The following EFCAB6 variants were observed in gnomAD, a reference collection of about 807,000 sequenced individuals.
EFCAB6 encodes EF-hand calcium-binding domain-containing protein 6.
Under a neutral mutation model 169.8 loss-of-function variants are expected in EFCAB6, and 156 were observed. That is an observed-to-expected ratio of 0.92 (90% CI 0.81 to 1.05). The LOEUF is 1.05. Among genes scored for constraint, EFCAB6 ranks in the 50% least tolerant of loss-of-function variants. EFCAB6 has a pLI of 0.00. For synonymous variants in EFCAB6, 698 were observed against 676.4 expected (o/e 1.03, Z -0.50); for missense variants, 1,800 against 1,829.1 (o/e 0.98, Z 0.29).
Position 43,763,897 on chromosome 22 carries a change from G to A in EFCAB6, c.440+1408C>T, listed in dbSNP as rs748130052. Among the ~76,000 whole-genome samples, 129 of 151,434 alleles carry A rather than the reference G, an allele frequency of 8.5e-4. No homozygotes were observed. In the Middle Eastern group the frequency reaches 0.01, roughly 12 times the overall value. The stretch of plus-strand genomic sequence containing the variant: ...AGTGATCCTCCCACCTTAACTTCCC[G>A]AGTACCTGGGGCATGCCACCATGCT... On this transcript the variant is annotated intron_variant, in intron 5 of 31. Coordinates refer to ENST00000262726, the MANE Select transcript of EFCAB6 (RefSeq NM_022785.4).
intron 27 of EFCAB6, chr22:43,553,604 C>T (rs979079691): frequency 1.3e-5 from 2 of 152,366 alleles, no homozygotes; most frequent in Admixed American, 1.3e-4. Context: ...AGGAACAAAG[C>T]AACCTGGGGC....
At chr22:43,700,165 A>G (rs897309158) in intron 10 of EFCAB6, among the ~76,000 whole-genome samples, 2 of 152,218 alleles carry the variant, frequency 1.3e-5, no homozygotes, top group Non-Finnish European at 2.9e-5. Context: ...TACTACACAC[A>G]TGCACATACA....
rs141352282 is a variant in EFCAB6, at chr22:43,590,027, T to G, written c.3032+47A>C. 727 of 1,587,082 alleles carry G rather than the reference T, an allele frequency of 4.6e-4. 4 individuals carry two copies. In the African/African-American group the frequency reaches 8.6e-3, roughly 19 times the overall value. On this transcript the variant is annotated intron_variant, in intron 24 of 31. Coordinates refer to ENST00000262726, the MANE Select transcript of EFCAB6 (RefSeq NM_022785.4). ...AAGAAACAAAGGCAATTCTCCAGTA[T>G]GTTTTTCAGGGCCATGAGAAACATA...
chr22:43,589,461 C>T (rs1487211252), intron 24 of EFCAB6, among the ~76,000 whole-genome samples: 1 of 152,064 alleles, frequency 6.6e-6, no homozygotes, highest in Non-Finnish European at 1.5e-5. Flanking sequence ...TACGTGATTC[C>T]TGCCAAAGTG....
At chr22:43,737,778 C>CACAT (rs2060205722) in intron 6 of EFCAB6, among the ~76,000 whole-genome samples, 4 of 150,304 alleles carry the variant, frequency 2.7e-5, no homozygotes, top group East Asian at 2.0e-4. Context: ...CACTCACACA[C>CACAT]ATATTCATAC....
intron 20 of EFCAB6, among the ~76,000 whole-genome samples, chr22:43,624,507 C>A (rs760614146): frequency 1.3e-5 from 2 of 152,188 alleles, no homozygotes; most frequent in Non-Finnish European, 2.9e-5. Flanking sequence ...ATTTCCCAAA[C>A]GTGCTTAACA....
At chr22:43,621,326 T>A (rs2147782847) in intron 20 of EFCAB6, among the ~76,000 whole-genome samples, 1 of 152,188 alleles carries the variant, frequency 6.6e-6, no homozygotes, top group Non-Finnish European at 1.5e-5. Context: ...GGTCTTGAAC[T>A]CCTGATCTCA....
At chr22:43,635,423 G>A (rs2055318783) in intron 17 of EFCAB6, among the ~76,000 whole-genome samples, 1 of 152,134 alleles carries the variant, frequency 6.6e-6, no homozygotes, top group African/African-American at 2.4e-5. Flanking sequence ...GTGAGTGAGT[G>A]AACGAAGGGA....
intron 23 of EFCAB6, among the ~76,000 whole-genome samples, chr22:43,595,836 T>C (rs2051957303): frequency 6.6e-6 from 1 of 151,976 alleles, no homozygotes; most frequent in Non-Finnish European, 1.5e-5. Context: ...AACATACATG[T>C]AGAAATCCTC....
At chr22:43,642,522 G>A (rs1383168464) in intron 17 of EFCAB6, among the ~76,000 whole-genome samples, 7 of 152,082 alleles carry the variant, frequency 4.6e-5, no homozygotes, top group Middle Eastern at 3.4e-3. Flanking sequence ...ACAGAGCTGC[G>A]TCATCCAGAA....
rs773192777 is a variant in EFCAB6, at chr22:43,600,191, A to G, written c.2754T>C (p.Pro918=). 9.9e-6 allele frequency: 16 copies of G among 1,614,216 alleles called. No individual in the cohort carries two copies. The South Asian group carries it at 1.8e-4, about 18-fold the overall frequency. Residue 918 remains proline, a synonymous_variant, in exon 23 of 32, where the codon CCT becomes CCC. Coordinates refer to ENST00000262726, the MANE Select transcript of EFCAB6 (RefSeq NM_022785.4). ...FLQKLGINYS[P]AVHRPCAEDY... is the part of the protein sequence containing the mutation. ...CCTCTGCACAGGGCCGATGGACAGC[A>G]GGCGAATAGTTAATACCCAATTTCT...
intron 5 of EFCAB6, among the ~76,000 whole-genome samples, chr22:43,760,203 CAA>C (rs371022953): frequency 1.9e-5 from 2 of 104,652 alleles, no homozygotes; most frequent in Non-Finnish European, 1.9e-5. Flanking sequence ...GACTCTGTCT[CAA>C]AAAAAAAAAA....
intron 2 of EFCAB6, among the ~76,000 whole-genome samples, chr22:43,793,161 A>C (rs1308779154): frequency 6.6e-6 from 1 of 152,196 alleles, no homozygotes; most frequent in Non-Finnish European, 1.5e-5. Flanking sequence ...TCAATTCAAG[A>C]AACACTTAGT....
At chr22:43,707,736 C>T (rs929710039) in intron 10 of EFCAB6, among the ~76,000 whole-genome samples, 3 of 152,072 alleles carry the variant, frequency 2.0e-5, no homozygotes, top group East Asian at 1.9e-4. Context: ...CCTTGCTAAA[C>T]GGACTACCAA....
At chr22:43,635,356 GGGGTGGGACCGA>G (rs2055310130) in intron 17 of EFCAB6, 140 bp from the exon 18 acceptor site, 5 of 663,344 alleles carry the variant, frequency 7.5e-6, no homozygotes. Flanking sequence ...AGGCTGCCAG[GGGGTGGGACCGA>G]GTCTCCTGTG....
At chr22:43,789,847 TCACACACACACA>T (rs34752280) in intron 2 of EFCAB6, among the ~76,000 whole-genome samples, 5 of 143,302 alleles carry the variant, frequency 3.5e-5, no homozygotes, top group African/African-American at 1.0e-4. Context: ...TGGCTAACCT[TCACACACACACA>T]CACACACACA....
At chr22:43,659,372 G>T (rs991402988) in intron 17 of EFCAB6, among the ~76,000 whole-genome samples, 1 of 152,152 alleles carries the variant, frequency 6.6e-6, no homozygotes, top group Non-Finnish European at 1.5e-5. Flanking sequence ...ATCTAATTCA[G>T]CTGGGCATGG....
chr22:43,633,176 T>C (rs951337181), intron 18 of EFCAB6, among the ~76,000 whole-genome samples: 6 of 152,336 alleles, frequency 3.9e-5, no homozygotes, highest in African/African-American at 1.4e-4. Context: ...GGCTGTCTGA[T>C]ACTAAGACCC....
intron 17 of EFCAB6, among the ~76,000 whole-genome samples, chr22:43,638,497 T>C (rs1257372562): frequency 6.6e-6 from 1 of 152,112 alleles, no homozygotes; most frequent in Non-Finnish European, 1.5e-5. Context: ...CAGGGAACCG[T>C]TGCTGGGCCC....
Sources: gnomAD v4.1 joint callset for allele counts (sites outside exome capture counted in the v4.1 genomes callset) on GRCh38, gnomAD v4.1.1 for gene constraint, MANE v1.5 for transcripts, NCBI Gene and HGNC (gene_info 2026-07-23, HGNC 2026-07-21) for gene names.